ACTR3B: variants seen among roughly 807,000 people sequenced by gnomAD.
ACTR3B encodes the protein actin related protein 3B, also known as actin-related protein 3B.
A neutral mutation model predicts 59.0 loss-of-function variants in ACTR3B; 8 were observed. The observed-to-expected ratio is 0.14, with a 90% CI of 0.08 to 0.24. The LOEUF is 0.24. Among genes scored for constraint, ACTR3B ranks in the 10% least tolerant of loss-of-function variants. The probability of loss-of-function intolerance (pLI) is 1.00; values close to 1 mark genes in which losing one functional copy is unlikely to be tolerated. For synonymous variants in ACTR3B, 148 were observed against 197.9 expected (o/e 0.75, Z 2.12); for missense variants, 245 against 552.3 (o/e 0.44, Z 5.58).
At chr7:152,780,772 G>T (rs2098150175) in intron 1 of ACTR3B, among the ~76,000 whole-genome samples, 1 of 151,750 alleles carries the variant, frequency 6.6e-6, no homozygotes, top group Admixed American at 6.6e-5. Flanking sequence ...ATGGTGCACA[G>T]TGGGAAGAAT....
At chr7:152,823,834 C>G (rs1217877732) in intron 8 of ACTR3B, among the ~76,000 whole-genome samples, 1 of 152,216 alleles carries the variant, frequency 6.6e-6, no homozygotes, top group East Asian at 1.9e-4. Flanking sequence ...TAGCTACTCT[C>G]AAGGCCTATA....
intron 9 of ACTR3B, among the ~76,000 whole-genome samples, chr7:152,833,353 C>T (rs1797180766): frequency 6.6e-6 from 1 of 152,192 alleles, no homozygotes; most frequent in Non-Finnish European, 1.5e-5. Context: ...CAGATTTGTT[C>T]AGACTTCGCT....
intron 6 of ACTR3B, among the ~76,000 whole-genome samples, chr7:152,818,609 CCTGA>C (rs1247551376): frequency 1.3e-5 from 2 of 152,190 alleles, no homozygotes; most frequent in Non-Finnish European, 2.9e-5. Context: ...CGCCACCATG[CCTGA>C]CTAATTTGTA....
chr7:152,828,097 C>T (rs1796721052), intron 9 of ACTR3B, among the ~76,000 whole-genome samples: 1 of 152,020 alleles, frequency 6.6e-6, no homozygotes, highest in Non-Finnish European at 1.5e-5. Flanking sequence ...CAGGAGAGAG[C>T]CTGTTGTAGA....
chr7:152,785,554 T>G (rs2098171303), intron 2 of ACTR3B, among the ~76,000 whole-genome samples: 2 of 120,418 alleles, frequency 1.7e-5, no homozygotes, highest in African/African-American at 3.2e-5. Flanking sequence ...GCCCCAGGAG[T>G]CAAGGTTAGA....
At chr7:152,769,240 C>T (rs1312519654) in intron 1 of ACTR3B, among the ~76,000 whole-genome samples, 3 of 152,288 alleles carry the variant, frequency 2.0e-5, no homozygotes, top group Admixed American at 6.5e-5. Context: ...CTATTAAGGT[C>T]TCCTCGCATT....
Position 152,814,566 on chromosome 7 carries a change from A to G in ACTR3B, c.353A>G (p.Asn118Ser). 1.2e-6 allele frequency: 2 copies of G among 1,612,418 alleles called. No individual in the cohort carries two copies. Among genetic ancestry groups the G allele is most frequent in the Non-Finnish European group, 1.7e-6 (2 of 1,178,854 alleles). ...TTCTTACAGACAGAACCTCCACTCA[A>G]TACACCAGAAAACAGAGAGTATCTT... Reference protein sequence around the residue: ...HYFLMTEPPLNTPENREYLAE... With the variant: ...HYFLMTEPPLSTPENREYLAE... Residue 118 changes from asparagine (N) to serine (S), a missense_variant, in exon 5 of 12, where the codon AAT becomes AGT. This residue lies in a region of ACTR3B where 40 missense variants were observed against 70.4 expected (regional missense o/e 0.57). Coordinates refer to ENST00000256001, the MANE Select transcript of ACTR3B (RefSeq NM_020445.6).
rs150855346 is a variant in ACTR3B at position 152,781,143 on chromosome 7, T to C, written c.45-2044T>C. ...ATGATATAATAGCCTGAATGAAACTTAGCACCTAATTTTAATAAATGTTAA... is the reference window on the plus strand; with the variant it reads ...ATGATATAATAGCCTGAATGAAACTCAGCACCTAATTTTAATAAATGTTAA... On this transcript the variant is annotated intron_variant, in intron 1 of 11. Coordinates refer to ENST00000256001, the MANE Select transcript of ACTR3B (RefSeq NM_020445.6). Among the ~76,000 whole-genome samples the C allele has an allele frequency of 3.3e-3, 499 of 151,496 alleles. 2 individuals carry two copies. The highest frequency in any genetic ancestry group is 0.011 in the African/African-American group (460 of 41,332).
intron 9 of ACTR3B, among the ~76,000 whole-genome samples, chr7:152,845,673 C>T (rs1798214309): frequency 6.6e-6 from 1 of 152,178 alleles, no homozygotes; most frequent in African/African-American, 2.4e-5. Flanking sequence ...TGACTTGGCT[C>T]TGTTTTAGGG....
At chr7:152,791,281 G>C (rs1166277972) in intron 2 of ACTR3B, among the ~76,000 whole-genome samples, 20 of 152,180 alleles carry the variant, frequency 1.3e-4, no homozygotes, top group Non-Finnish European at 5.9e-5. Context: ...AAAGTGATTA[G>C]AGGCGTGAGC....
intron 3 of ACTR3B, among the ~76,000 whole-genome samples, chr7:152,801,254 A>G (rs2098235662): frequency 6.6e-6 from 1 of 152,124 alleles, no homozygotes; most frequent in South Asian, 2.1e-4. Flanking sequence ...TGATTTTTTA[A>G]TTTTTTGTAG....
chr7:152,765,266 C>T (rs1162851990), intron 1 of ACTR3B, among the ~76,000 whole-genome samples: 12 of 149,520 alleles, frequency 8.0e-5, no homozygotes, highest in East Asian at 2.0e-4. Flanking sequence ...TACAGGCATG[C>T]GCCACTATGC....
At chr7:152,779,007 T>G (rs2116586964) in intron 1 of ACTR3B, among the ~76,000 whole-genome samples, 1 of 145,068 alleles carries the variant, frequency 6.9e-6, no homozygotes, top group Admixed American at 7.1e-5. Context: ...TTATTTCTTC[T>G]GAACTTCTGA....
chr7:152,768,334 C>A lies in ACTR3B; in HGVS notation c.44+8408C>A, dbSNP rs182608100. Among the ~76,000 whole-genome samples, 68 of 152,326 alleles carry A rather than the reference C, an allele frequency of 4.5e-4. 1 individual carries two copies. The highest frequency in any genetic ancestry group is 1.5e-3 in the African/African-American group (64 of 41,568). On this transcript the variant is annotated intron_variant, in intron 1 of 11. Coordinates refer to ENST00000256001, the MANE Select transcript of ACTR3B (RefSeq NM_020445.6). ...ATTGACACAGTGCAGAGGCCATTAC[C>A]TCCAAAGCAATGTTAATTTAAATCA...
intron 9 of ACTR3B, among the ~76,000 whole-genome samples, chr7:152,851,881 C>T (rs1340051476): frequency 6.6e-6 from 1 of 151,994 alleles, no homozygotes; most frequent in Non-Finnish European, 1.5e-5. Context: ...AGCAGGATCG[C>T]CTTGTTTTTG....
At chr7:152,833,717 C>T (rs1379852222) in intron 9 of ACTR3B, among the ~76,000 whole-genome samples, 4 of 152,126 alleles carry the variant, frequency 2.6e-5, no homozygotes, top group Non-Finnish European at 5.9e-5. Context: ...TCCAATCTTT[C>T]TGACATAAAT....
intron 4 of ACTR3B, chr7:152,811,312 C>T (rs942513762): frequency 1.0e-4 from 15 of 148,462 alleles, no homozygotes; most frequent in Middle Eastern, 3.4e-3. Context: ...ATTTAGACTG[C>T]CTTTAATCTT....
At chr7:152,825,206 T>C in intron 9 of ACTR3B, 84 bp downstream of exon 9, 1 of 1,334,108 alleles carries the variant, frequency 7.5e-7, no homozygotes, top group Non-Finnish European at 1.0e-6. Flanking sequence ...TACTGTCTAT[T>C]ACTAGTAAAT....
At chr7:152,847,523 A>G (rs1384118222) in intron 9 of ACTR3B, among the ~76,000 whole-genome samples, 3 of 152,014 alleles carry the variant, frequency 2.0e-5, no homozygotes, top group Non-Finnish European at 4.4e-5. Flanking sequence ...AGAAACCCAC[A>G]CCCCTGCCCC....
Sources: gnomAD v4.1 joint callset for allele counts (sites outside exome capture counted in the v4.1 genomes callset) on GRCh38, gnomAD v4.1.1 for gene constraint, gnomAD v4.1.1 regional missense constraint, MANE v1.5 for transcripts, NCBI Gene and HGNC (gene_info 2026-07-23, HGNC 2026-07-21) for gene names.